Variants in SRGAP2B observed in about 807,000 individuals in gnomAD.
The protein encoded by SRGAP2B is SLIT-ROBO Rho GTPase-activating protein 2B.
SRGAP2B carries 9 observed loss-of-function variants against 22.2 expected under a neutral mutation model. The observed-to-expected ratio is 0.41, with a 90% CI of 0.24 to 0.71. The LOEUF (loss-of-function observed/expected upper bound fraction) is 0.71. Among genes scored for constraint, SRGAP2B ranks in the 30% least tolerant of loss-of-function variants. The pLI is 0.35. For synonymous variants in SRGAP2B, 36 were observed against 87.4 expected (o/e 0.41, Z 3.28); for missense variants, 114 against 235.8 (o/e 0.48, Z 3.38).
At chr1:145,020,928 T>C (rs1262305424) in intron 2 of SRGAP2B, among the ~76,000 whole-genome samples, 1 of 149,248 alleles carries the variant, frequency 6.7e-6, no homozygotes, top group Non-Finnish European at 1.5e-5. Flanking sequence ...GCTTCCCAAG[T>C]AGCTGGGATT....
chr1:144,994,567 T>TGTGA lies in SRGAP2B; in HGVS notation c.260+440_260+441insTCAC, dbSNP rs72366347. 5.3e-3 allele frequency among the ~76,000 whole-genome samples: 655 copies of TGTGA among 122,462 alleles called. 9 individuals are homozygous for TGTGA. Among genetic ancestry groups the TGTGA allele is most frequent in the East Asian group, 0.032 (137 of 4,222 alleles). The allele number at this position is 122,462 out of a possible 152,430, so 80.3% of individuals were successfully genotyped here. A position where few individuals can be genotyped will look rare whatever the true frequency, so the allele number is the denominator to read the frequency against. On this transcript the variant is annotated intron_variant, in intron 3 of 9. Transcript: ENST00000612199. ...GTGAGTGTGAGTGTGTGTGTGTGTG[T>TGTGA]GAGAGAGAGAGAGAGAGAGAGAGAG...
At chr1:145,088,339 G>T (rs1553635768) in intron 2 of SRGAP2B, among the ~76,000 whole-genome samples, 1 of 113,068 alleles carries the variant, frequency 8.8e-6, no homozygotes, top group Non-Finnish European at 1.8e-5. Flanking sequence ...GTCCTGAAAG[G>T]GTTAAACTGT....
chr1:144,956,486 C>T (rs1667277554), intron 3 of SRGAP2B, among the ~76,000 whole-genome samples: 1 of 97,854 alleles, frequency 1.0e-5, no homozygotes. Flanking sequence ...CTCACTCTGT[C>T]ACCCAGGCTG....
chr1:144,965,991 T>C (rs1252343511), intron 3 of SRGAP2B, among the ~76,000 whole-genome samples: 1 of 150,706 alleles, frequency 6.6e-6, no homozygotes, highest in Non-Finnish European at 1.5e-5. Context: ...TGGGACTATG[T>C]GAAAAGACCA....
At chr1:144,915,304 T>C (rs117862682) in intron 4 of SRGAP2B, among the ~76,000 whole-genome samples, 2,038 of 150,786 alleles carry the variant, frequency 0.014, 72 homozygotes, top group East Asian at 0.1. Flanking sequence ...CCTGAGAGAT[T>C]AGCTGTTACT....
At chr1:145,015,549 C>T (rs1346425311) in intron 2 of SRGAP2B, among the ~76,000 whole-genome samples, 2 of 147,006 alleles carry the variant, frequency 1.4e-5, no homozygotes, top group Non-Finnish European at 1.5e-5. Context: ...AGCCCATTAT[C>T]GGGGAAAAAG....
chr1:145,011,991 T>TGCTTCCCTTCGCTGGAAGCAC (rs1672089175), intron 2 of SRGAP2B, among the ~76,000 whole-genome samples: 1 of 151,148 alleles, frequency 6.6e-6, no homozygotes, highest in South Asian at 2.1e-4. Context: ...CCTTTGCATA[T>TGCTTCCCTTCGCTGGAAGCAC]GCTTCCCTTC....
At chr1:144,911,681 G>A (rs1169562852) in intron 5 of SRGAP2B, among the ~76,000 whole-genome samples, 2 of 147,790 alleles carry the variant, frequency 1.4e-5, no homozygotes, top group South Asian at 2.1e-4. Context: ...GCAGTGGCAC[G>A]ATCTTGGCTC....
chr1:144,983,004 C>A (rs1197599379), intron 3 of SRGAP2B, among the ~76,000 whole-genome samples: 18 of 149,244 alleles, frequency 1.2e-4, no homozygotes, highest in African/African-American at 3.3e-4. Flanking sequence ...GGAAGCCAAC[C>A]CTTGCAACAC....
At chr1:144,990,957 C>G (rs868940494) in intron 3 of SRGAP2B, among the ~76,000 whole-genome samples, 2 of 150,604 alleles carry the variant, frequency 1.3e-5, no homozygotes, top group Non-Finnish European at 2.9e-5. Flanking sequence ...CCTGTGCGGC[C>G]GGAGCCTCCC....
chr1:145,008,872 A>C (rs1232597609), intron 2 of SRGAP2B, among the ~76,000 whole-genome samples: 1 of 130,244 alleles, frequency 7.7e-6, no homozygotes, highest in Non-Finnish European at 1.6e-5. Flanking sequence ...ACAAAACACC[A>C]AAAAAAAAAA....
chr1:145,074,164 C>CGTGGGG (rs1482447337), intron 2 of SRGAP2B, among the ~76,000 whole-genome samples: 4 of 98,758 alleles, frequency 4.1e-5, no homozygotes, highest in African/African-American at 1.4e-4. Context: ...GGGGAAGGAG[C>CGTGGGG]GTGGGGGTGG....
intron 3 of SRGAP2B, among the ~76,000 whole-genome samples, chr1:144,984,213 G>A (rs12118697): frequency 4.0e-5 from 6 of 149,976 alleles, no homozygotes; most frequent in African/African-American, 7.5e-5. Context: ...CCAGCTACTC[G>A]GGAGGCTGAG....
intron 4 of SRGAP2B, among the ~76,000 whole-genome samples, chr1:144,930,735 A>G (rs1251453949): frequency 3.3e-5 from 5 of 149,402 alleles, no homozygotes; most frequent in African/African-American, 1.3e-4. Flanking sequence ...CTTTCCAATA[A>G]GTGGCCATAC....
chr1:145,042,358 CT>C (rs1301337930), intron 2 of SRGAP2B, among the ~76,000 whole-genome samples: 1 of 142,248 alleles, frequency 7.0e-6, no homozygotes, highest in Non-Finnish European at 1.5e-5. Context: ...ACAAAATAAC[CT>C]AAGAGGTTCA....
chr1:144,963,057 G>A (rs1225001572), intron 3 of SRGAP2B, among the ~76,000 whole-genome samples: 14 of 151,072 alleles, frequency 9.3e-5, no homozygotes, highest in Non-Finnish European at 2.1e-4. Flanking sequence ...TGATTTGGCT[G>A]ACTTAGAAAA....
At chr1:145,073,175 T>G (rs1553633765) in intron 2 of SRGAP2B, among the ~76,000 whole-genome samples, 1 of 150,432 alleles carries the variant, frequency 6.6e-6, no homozygotes, top group Non-Finnish European at 1.5e-5. Context: ...GGTAAGAAGC[T>G]GCAAAAGGAG....
chr1:144,913,744 A>AT (rs1361941527), intron 5 of SRGAP2B, among the ~76,000 whole-genome samples: 2 of 111,444 alleles, frequency 1.8e-5, no homozygotes, highest in Non-Finnish European at 3.6e-5. Context: ...TGTTCTGTGA[A>AT]TTAAAAAAAA....
intron 4 of SRGAP2B, among the ~76,000 whole-genome samples, chr1:144,925,276 A>G (rs1664579749): frequency 6.7e-6 from 1 of 149,116 alleles, no homozygotes; most frequent in African/African-American, 2.6e-5. Flanking sequence ...AAGTGCTGTG[A>G]TTACAGGAGT....
Sources: allele counts gnomAD v4.1 joint callset (sites outside exome capture counted in the v4.1 genomes callset), GRCh38; gene constraint gnomAD v4.1.1; transcripts MANE v1.5; gene names NCBI Gene and HGNC (gene_info 2026-07-23, HGNC 2026-07-21).